Variants in PAK4 observed in about 807,000 individuals in gnomAD.
The protein encoded by PAK4 is p21 (RAC1) activated kinase 4, also known as serine/threonine-protein kinase PAK 4.
In PAK4, 49 loss-of-function variants were observed where a neutral mutation model predicts 53.5. That is an observed-to-expected ratio of 0.92 (90% confidence interval 0.73 to 1.16). The LOEUF (loss-of-function observed/expected upper bound fraction) is 1.16, where lower values mean the gene tolerates loss of function less well. Ranked by LOEUF, PAK4 falls within the 50% of genes most tolerant of loss-of-function variation. PAK4 has a pLI of 0.00. For missense variants in PAK4, 824 were observed against 850.7 expected (o/e 0.97, Z 0.39); for synonymous variants, 376 against 375.6 (o/e 1.00, Z -0.01).
At chr19:39,130,204 G>A (rs1207761318) in intron 1 of PAK4, among the ~76,000 whole-genome samples, 1 of 141,972 alleles carries the variant, frequency 7.0e-6, no homozygotes, top group Non-Finnish European at 1.5e-5. Flanking sequence ...TGGGAGCGGG[G>A]ACCCAGGCAG....
chr19:39,127,313 A>C (rs1255446228), intron 1 of PAK4, among the ~76,000 whole-genome samples: 1 of 151,810 alleles, frequency 6.6e-6, no homozygotes, highest in African/African-American at 2.4e-5. Context: ...CTCCAGGCCC[A>C]TGCCTCCCGC....
intron 1 of PAK4, among the ~76,000 whole-genome samples, chr19:39,132,096 C>T (rs932513359): frequency 4.6e-5 from 7 of 152,224 alleles, no homozygotes; most frequent in African/African-American, 1.7e-4. Context: ...GGTCCCAGCT[C>T]CACGTGCCAG....
At chr19:39,126,513 A>C (rs2145075975) in intron 1 of PAK4, among the ~76,000 whole-genome samples, 1 of 151,924 alleles carries the variant, frequency 6.6e-6, no homozygotes, top group African/African-American at 2.4e-5. Context: ...CCTCCCACAA[A>C]TAATAATGGC....
intron 7 of PAK4, among the ~76,000 whole-genome samples, chr19:39,177,228 G>C (rs2074623968): frequency 6.6e-6 from 1 of 152,212 alleles, no homozygotes; most frequent in Non-Finnish European, 1.5e-5. Flanking sequence ...GAGCAGAGCT[G>C]GTCCCGGCAG....
intron 4 of PAK4, among the ~76,000 whole-genome samples, chr19:39,174,227 A>C (rs1568529532): frequency 6.6e-6 from 1 of 151,248 alleles, no homozygotes; most frequent in African/African-American, 2.4e-5. Flanking sequence ...CCTGAGCCCC[A>C]GACCCAGGGT....
At chr19:39,147,073 TTGTCATTGTCAATTGTCAATGACAA>T (rs1477885654) in intron 1 of PAK4, among the ~76,000 whole-genome samples, 1 of 30,516 alleles carries the variant, frequency 3.3e-5, no homozygotes, top group African/African-American at 1.0e-4. Flanking sequence ...CAATTGACAA[TTGTCATTGTCAATTGTCAATGACAA>T]TGTCATTGAC....
At chr19:39,180,892 C>T (rs867432253), downstream of PAK4, 19 of 152,332 alleles carry the variant, frequency 1.2e-4, no homozygotes, top group Middle Eastern at 0.01. Flanking sequence ...ATCTCAGAAA[C>T]GCAAGGCTCA....
intron 1 of PAK4, among the ~76,000 whole-genome samples, chr19:39,153,847 T>A (rs2074133881): frequency 6.6e-6 from 1 of 151,938 alleles, no homozygotes; most frequent in South Asian, 2.1e-4. Context: ...CATCCCAAAG[T>A]GCTGGGATTA....
intron 1 of PAK4, among the ~76,000 whole-genome samples, chr19:39,132,305 A>T (rs931395662): frequency 1.3e-5 from 2 of 152,218 alleles, no homozygotes; most frequent in Non-Finnish European, 2.9e-5. Context: ...ATGTACAGGG[A>T]CGAGCAAATC....
exon 2 of PAK4, chr19:39,169,605 G>A (rs749175521): frequency 5.9e-5 from 95 of 1,610,130 alleles, no homozygotes; most frequent in Non-Finnish European, 7.4e-5. Flanking sequence ...GTCCAACTTC[G>A]AGCACCGCGT....
intron 8 of PAK4, 141 bp downstream of exon 9, chr19:39,177,950 G>T: frequency 1.0e-6 from 1 of 967,236 alleles, no homozygotes; most frequent in Non-Finnish European, 1.5e-6. Flanking sequence ...CCACCCCCGG[G>T]CCTCATGTGT....
chr19:39,134,171 G>A (rs1017580495), intron 1 of PAK4, among the ~76,000 whole-genome samples: 1 of 152,162 alleles, frequency 6.6e-6, no homozygotes, highest in African/African-American at 2.4e-5. Flanking sequence ...TATATACACA[G>A]CGCTTCTAAC....
intron 1 of PAK4, among the ~76,000 whole-genome samples, chr19:39,149,173 A>G (rs1049992189): frequency 1.1e-4 from 16 of 152,270 alleles, no homozygotes; most frequent in South Asian, 2.1e-4. Flanking sequence ...GAAAGCAGGG[A>G]CTCGAACAGA....
chr19:39,130,609 C>G (rs2073690511), intron 1 of PAK4, among the ~76,000 whole-genome samples: 1 of 151,902 alleles, frequency 6.6e-6, no homozygotes, highest in African/African-American at 2.4e-5. Flanking sequence ...TGCACCCTGA[C>G]TGTGTGGTAG....
intron 1 of PAK4, among the ~76,000 whole-genome samples, chr19:39,146,741 C>T (rs1440620781): frequency 2.0e-5 from 3 of 151,880 alleles, no homozygotes; most frequent in Non-Finnish European, 2.9e-5. Flanking sequence ...CTTGGGAGGC[C>T]GAGGTGGATC....
At position 39,173,261 on chromosome 19, in the gene PAK4, C is replaced by T; in HGVS notation, c.548C>T (p.Pro183Leu). 1 of 1,597,116 alleles carries T rather than the reference C, an allele frequency of 6.3e-7. No homozygotes were observed. Among genetic ancestry groups the T allele is most frequent in the Non-Finnish European group, 8.5e-7 (1 of 1,172,950 alleles). ...CGGGACAAACGCCCCCTCTCCGGGC[C>T]TGATGTCGGCACCCCCCAGCCTGCT... is the stretch of plus-strand genomic sequence containing the variant. The change falls in exon 3 of 9, where the codon CCT (proline) becomes CTT (leucine). Residue 183 changes from proline (P) to leucine (L), a missense_variant. Physicochemically the swap from Pro to Leu is moderately conservative, Grantham distance 98. Transcript: ENST00000358301. This position sits in a 1 kb window ranked among gnomAD's most constrained non-coding sequence, Gnocchi z 6.9.
chr19:39,157,997 G>T (rs1226098606), intron 1 of PAK4, among the ~76,000 whole-genome samples: 1 of 152,172 alleles, frequency 6.6e-6, no homozygotes, highest in Non-Finnish European at 1.5e-5. Context: ...CTGTGTCTAG[G>T]GATCATGCAT....
At position 39,173,567 on chromosome 19, in the gene PAK4, C is replaced by T. The variant is rs774137685; in HGVS notation, c.664-9C>T. On this transcript the variant is annotated splice_polypyrimidine_tract_variant and intron_variant, in intron 3 of 8. Coordinates refer to ENST00000358301, the Ensembl canonical transcript of PAK4. This position sits in a 1 kb window ranked among gnomAD's most constrained non-coding sequence, Gnocchi z 6.9. ...CCCATCACTGACAGCTACCTCTCTT[C>T]TGTTTCAGGGGGAGCCTCATGACGT... is the stretch of plus-strand genomic sequence containing the variant. 6.6e-6 allele frequency: 10 copies of T among 1,517,058 alleles called. No individual in the cohort carries two copies. The highest frequency in any genetic ancestry group is 8.8e-6 in the Non-Finnish European group (10 of 1,133,658). The allele number at this position is 1,517,058 out of a possible 1,614,324, so 94.0% of individuals were successfully genotyped here. A position where few individuals can be genotyped will look rare whatever the true frequency, so the allele number is the denominator to read the frequency against.
At position 39,128,178 on chromosome 19, in the gene PAK4, C is replaced by T. The variant is rs140624560; in HGVS notation, c.-23+2259C>T. Among the ~76,000 whole-genome samples the T allele has an allele frequency of 1.2e-4, 18 of 152,324 alleles. No homozygotes were observed. In the East Asian group the frequency reaches 2.5e-3, roughly 21 times the overall value. ...TTCTGCAAGATGGGCATAGTGTTAG[C>T]GCTGCCTCATAGAATTGCTGTGAGG... On this transcript the variant is annotated intron_variant, in intron 1 of 8. Coordinates refer to ENST00000358301, the Ensembl canonical transcript of PAK4.
Sources: allele counts gnomAD v4.1 joint callset (sites outside exome capture counted in the v4.1 genomes callset), GRCh38; gene constraint gnomAD v4.1.1; non-coding constraint Gnocchi (gnomAD v3.1); transcripts MANE v1.5; gene names NCBI Gene and HGNC (gene_info 2026-07-23, HGNC 2026-07-21).